C2CD5: variants seen among roughly 807,000 people sequenced by gnomAD.
C2CD5 encodes C2 domain-containing protein 5.
Under a neutral mutation model 130.3 loss-of-function variants are expected in C2CD5, and 109 were observed. The ratio of observed to expected loss-of-function variants is 0.84; its 90% CI spans 0.72 to 0.98. The LOEUF (loss-of-function observed/expected upper bound fraction) is 0.98, where lower values mean the gene tolerates loss of function less well. Ranked by LOEUF, C2CD5 falls within the 50% of genes least tolerant of loss-of-function variation. The pLI, the probability that C2CD5 is intolerant of heterozygous loss-of-function variation, is 0.00. For missense variants in C2CD5, 996 were observed against 1,261.8 expected (o/e 0.79, Z 3.19); for synonymous variants, 454 against 429.2 (o/e 1.06, Z -0.71).
At chr12:22,493,464 C>G in intron 10 of C2CD5, 127 bp from the exon 11 acceptor site, 1 of 528,484 alleles carries the variant, frequency 1.9e-6, no homozygotes, top group Non-Finnish European at 3.3e-6. Context: ...TTTAAACTTC[C>G]CATCTTTAAA....
At chr12:22,514,928 G>A (rs1344918888) in intron 8 of C2CD5, 1 of 950,868 alleles carries the variant, frequency 1.1e-6, no homozygotes, top group Non-Finnish European at 1.3e-6. Flanking sequence ...AAAAATAAAG[G>A]GATTAAAAAG....
chr12:22,502,803 G>C (rs1246417432), intron 10 of C2CD5: 1 of 1,526,126 alleles, frequency 6.6e-7, no homozygotes, highest in Admixed American at 2.0e-5. Context: ...TTCCGACAAA[G>C]GCTGAGTTCA....
chr12:22,456,679 C>T (rs923484310), intron 25 of C2CD5, among the ~76,000 whole-genome samples: 9 of 152,116 alleles, frequency 5.9e-5, no homozygotes, highest in Admixed American at 1.3e-4. Flanking sequence ...ACTGAGGAAA[C>T]GAAGCTGTTC....
At chr12:22,488,661 T>C (rs969565886) in intron 12 of C2CD5, among the ~76,000 whole-genome samples, 1 of 152,082 alleles carries the variant, frequency 6.6e-6, no homozygotes, top group Non-Finnish European at 1.5e-5. Flanking sequence ...CTCAATAGAA[T>C]ATTCTAATTA....
At chr12:22,526,862 A>C (rs1950765087) in intron 4 of C2CD5, among the ~76,000 whole-genome samples, 1 of 152,186 alleles carries the variant, frequency 6.6e-6, no homozygotes, top group Admixed American at 6.5e-5. Flanking sequence ...AAGAAAACTG[A>C]CTCAATAATT....
intron 15 of C2CD5, 27 bp from the exon 16 acceptor site, chr12:22,474,918 C>T (rs750730718): frequency 2.0e-6 from 3 of 1,480,876 alleles, no homozygotes; most frequent in Middle Eastern, 3.6e-4. Context: ...TGTTTTATAT[C>T]ATATGAGATT....
At chr12:22,527,558 T>C (rs1950838641) in intron 4 of C2CD5, among the ~76,000 whole-genome samples, 163 bp downstream of exon 4, 1 of 151,992 alleles carries the variant, frequency 6.6e-6, no homozygotes, top group African/African-American at 2.4e-5. Context: ...CCTCAGGTGA[T>C]CCACCCGCCT....
chr12:22,518,732 G>C (rs1949999796), intron 7 of C2CD5, among the ~76,000 whole-genome samples: 1 of 152,114 alleles, frequency 6.6e-6, no homozygotes, highest in South Asian at 2.1e-4. Context: ...TGTATATAAA[G>C]AAAATAAGCA....
intron 22 of C2CD5, among the ~76,000 whole-genome samples, chr12:22,461,275 G>A (rs934445961): frequency 2.6e-5 from 4 of 152,184 alleles, no homozygotes; most frequent in African/African-American, 9.6e-5. Flanking sequence ...TTTGGTTGGT[G>A]TAGAATTACA....
In C2CD5 at chr12:22,472,021, C is replaced by G. The variant is rs547800280; in HGVS notation, c.2214G>C (p.Leu738=). ...AGTTCTTATTGAGAGCTTGATTAGT[C>G]AGGTTGAGGCTGCTTAATCTGATTA... is the stretch of plus-strand genomic sequence containing the variant. ...VRVIRLSSLN[L]TNQALNKNFN... The change falls in exon 19 of 27, where the codon CTG becomes CTC. Residue 738 remains leucine (L), a synonymous_variant. Transcript: ENST00000446597. 2 of 1,608,876 alleles carry G rather than the reference C, an allele frequency of 1.2e-6. No individual in the cohort carries two copies. Among genetic ancestry groups the G allele is most frequent in the African/African-American group, 1.3e-5 (1 of 74,784 alleles).
chr12:22,472,953 A>AT (rs1943278160), intron 16 of C2CD5, 146 bp from the exon 17 acceptor site: 1 of 602,126 alleles, frequency 1.7e-6, no homozygotes, highest in Non-Finnish European at 3.0e-6. Flanking sequence ...TAATATCAGT[A>AT]AATTTCTCCA....
In C2CD5 at chr12:22,506,805, A is replaced by G; in HGVS notation, c.1053T>C (p.Phe351=). 6.3e-7 allele frequency: 1 copy of G among 1,598,700 alleles called. No individual in the cohort carries two copies. ...ATCCAGGAGGAAATGCCGTCAAGGTAAAAAATGGAAATTCCTAGTGGAAAG... is the reference window on the plus strand; with the variant it reads ...ATCCAGGAGGAAATGCCGTCAAGGTGAAAAATGGAAATTCCTAGTGGAAAG... The part of the protein sequence containing the change: ...SALEQREFPF[F]TLTAFPPGFL... The change falls in exon 10 of 27, where the codon TTT becomes TTC. Residue 351 remains phenylalanine (F), a synonymous_variant. Transcript: ENST00000446597.
At position 22,453,086 on chromosome 12, in the gene C2CD5, C is replaced by T. The variant is rs1051870866; in HGVS notation, c.3024+810G>A. 5.3e-5 allele frequency among the ~76,000 whole-genome samples: 8 copies of T among 152,114 alleles called. No homozygotes were observed. In the South Asian group the frequency reaches 1.7e-3, roughly 32 times the overall value. On this transcript the variant is annotated intron_variant, in intron 26 of 26. Transcript: ENST00000446597. ...CAGGTAGGGGCAAAAAATATATATA[C>T]ATATACACATCTATTCATTCTTACT...
chr12:22,470,915 G>C lies in C2CD5; in HGVS notation c.2359-4C>G. ...TTGCGACTGCCGTGACTGTAACCTA[G>C]AATTATAAAAACAATAATGGTTAGC... On this transcript the variant is annotated splice_region_variant and splice_polypyrimidine_tract_variant and intron_variant, in intron 20 of 26. Transcript: ENST00000446597. 6.2e-7 allele frequency: 1 copy of C among 1,600,452 alleles called. No homozygotes were observed.
chr12:22,494,124 T>C (rs1357274813), intron 10 of C2CD5, among the ~76,000 whole-genome samples: 1 of 152,076 alleles, frequency 6.6e-6, no homozygotes, highest in Non-Finnish European at 1.5e-5. Flanking sequence ...ATCACTTGCA[T>C]TTAGCTGCAA....
At chr12:22,449,976 CA>C in intron 26 of C2CD5, 85 bp from the exon 27 acceptor site, 1 of 1,019,588 alleles carries the variant, frequency 9.8e-7, no homozygotes, top group South Asian at 2.4e-5. Context: ...GCTGTACAGC[CA>C]AAAAACACAG....
chr12:22,516,204 C>G (rs971133062), intron 8 of C2CD5, among the ~76,000 whole-genome samples: 2 of 151,764 alleles, frequency 1.3e-5, no homozygotes, highest in Non-Finnish European at 2.9e-5. Flanking sequence ...TCATGAAATA[C>G]AGGCTGAAAT....
intron 22 of C2CD5, among the ~76,000 whole-genome samples, chr12:22,460,095 T>TA (rs977223071): frequency 6.6e-6 from 1 of 152,156 alleles, no homozygotes; most frequent in African/African-American, 2.4e-5. Context: ...TTTGTGAAAC[T>TA]AAAAAATGAG....
intron 9 of C2CD5, among the ~76,000 whole-genome samples, chr12:22,511,136 A>G (rs1007320603): frequency 3.3e-5 from 5 of 151,844 alleles, no homozygotes; most frequent in Admixed American, 2.6e-4. Flanking sequence ...AATAATCCGT[A>G]AAAGAGATTG....
Sources: allele counts gnomAD v4.1 joint callset (sites outside exome capture counted in the v4.1 genomes callset), GRCh38; gene constraint gnomAD v4.1.1; transcripts MANE v1.5; gene names NCBI Gene and HGNC (gene_info 2026-07-23, HGNC 2026-07-21).